ASB9: variants seen among roughly 807,000 people sequenced by gnomAD.
ASB9 encodes the protein ankyrin repeat and SOCS box protein 9.
Under a neutral mutation model 16.6 loss-of-function variants are expected in ASB9, and 5 were observed. The observed-to-expected ratio is 0.30, with a 90% CI of 0.16 to 0.63. The LOEUF (loss-of-function observed/expected upper bound fraction) is 0.63. Ranked by LOEUF, ASB9 falls within the 30% of genes least tolerant of loss-of-function variation. ASB9 has a pLI of 0.82. For missense variants in ASB9, 216 were observed against 229.4 expected (o/e 0.94, Z 0.38); for synonymous variants, 100 against 86.4 (o/e 1.16, Z -0.87).
At chrX:15,255,960 C>CA (rs1390199322) in intron 2 of ASB9, among the ~76,000 whole-genome samples, 1 of 110,560 alleles carries the variant, frequency 9.0e-6, no homozygotes, top group Non-Finnish European at 1.9e-5. Flanking sequence ...TTTTTTTTCT[C>CA]AAAAAAACCC....
chrX:15,256,710 G>A (rs1388583853), intron 2 of ASB9, among the ~76,000 whole-genome samples: 6 of 96,432 alleles, frequency 6.2e-5, no homozygotes, highest in South Asian at 1.1e-3. Flanking sequence ...CCCAGGGGGC[G>A]GAGCCTGCAG....
intron 6 of ASB9, among the ~76,000 whole-genome samples, chrX:15,247,076 A>T (rs1924730520): frequency 8.9e-6 from 1 of 111,775 alleles, no homozygotes. Flanking sequence ...TCCCTTCCCC[A>T]GGAAACGGAG....
chrX:15,245,399 A>G (rs1005186258), intron 6 of ASB9, among the ~76,000 whole-genome samples: 19 of 102,201 alleles, frequency 1.9e-4, no homozygotes, highest in Admixed American at 5.5e-4. Context: ...ACAGCCCCCA[A>G]CTGATTCAAA....
intron 2 of ASB9, among the ~76,000 whole-genome samples, chrX:15,257,495 A>C (rs901077077): frequency 3.6e-5 from 4 of 111,672 alleles, no homozygotes; most frequent in African/African-American, 1.3e-4. Context: ...AAATACAACA[A>C]CACAGCTATT....
intron 1 of ASB9, among the ~76,000 whole-genome samples, chrX:15,259,668 C>A (rs917736566): frequency 1.2e-4 from 14 of 112,133 alleles, no homozygotes; most frequent in East Asian, 8.4e-4. Context: ...ATATAACATA[C>A]AGGTTGAGCA....
rs139369231 is a variant in ASB9, at chrX:15,247,485, G to A, written c.760+1259C>T. On this transcript the variant is annotated intron_variant, in intron 6 of 6. Transcript: ENST00000380488. ...CATCCTACATTAACGTATGCCCTACGTTATGACTGAGGGGGACCTGAGGCA... is the reference window on the plus strand; with the variant it reads ...CATCCTACATTAACGTATGCCCTACATTATGACTGAGGGGGACCTGAGGCA... Among the ~76,000 whole-genome samples the A allele has an allele frequency of 9.8e-5, 11 of 111,829 alleles. No individual in the cohort carries two copies. In the East Asian group the frequency reaches 2.8e-3, roughly 29 times the overall value.
chrX:15,244,952 A>C lies in ASB9; in HGVS notation c.761-322T>G, dbSNP rs140276779. ...TACAAAAATTCCAATAATACAAATA[A>C]AATTTATGTTTAATGGTGTTCTTTT... On this transcript the variant is annotated intron_variant, in intron 6 of 6. Coordinates refer to ENST00000380488, the MANE Select transcript of ASB9 (RefSeq NM_001031739.3). Among the ~76,000 whole-genome samples the C allele has an allele frequency of 3.6e-3, 408 of 112,110 alleles. 2 individuals carry two copies. The highest frequency in any genetic ancestry group is 6.9e-3 in the Non-Finnish European group (368 of 53,207).
chrX:15,267,439 T>C (rs1170278176), intron 1 of ASB9, among the ~76,000 whole-genome samples: 2 of 57,999 alleles, frequency 3.4e-5, no homozygotes, highest in Non-Finnish European at 6.7e-5. Context: ...TATATAATTA[T>C]ATATATAATT....
intron 2 of ASB9, among the ~76,000 whole-genome samples, chrX:15,258,284 A>C (rs968306099): frequency 1.8e-5 from 2 of 112,155 alleles, no homozygotes; most frequent in East Asian, 2.8e-4. Context: ...GTATCTGTCC[A>C]ATTTAAGAAG....
chrX:15,247,537 A>T (rs763483189), intron 6 of ASB9, among the ~76,000 whole-genome samples: 1 of 112,385 alleles, frequency 8.9e-6, no homozygotes, highest in East Asian at 2.8e-4. Flanking sequence ...TCCCTTTCTC[A>T]GTGAAAACAA....
At chrX:15,254,597 G>A (rs1350164275) in intron 3 of ASB9, 140 bp downstream of exon 3, 1 of 513,684 alleles carries the variant, frequency 1.9e-6, no homozygotes, top group Non-Finnish European at 3.4e-6. Context: ...AAACAAGCCT[G>A]ATGAACATAA....
chrX:15,247,912 A>G (rs1246817222), intron 6 of ASB9, among the ~76,000 whole-genome samples: 1 of 112,427 alleles, frequency 8.9e-6, no homozygotes, highest in African/African-American at 3.2e-5. Flanking sequence ...CCCACTTTAC[A>G]GTTCTGCCCA....
At chrX:15,268,573 G>A (rs1344313363) in intron 1 of ASB9, among the ~76,000 whole-genome samples, 1 of 103,897 alleles carries the variant, frequency 9.6e-6, no homozygotes, top group Admixed American at 1.0e-4. Context: ...TTACAGGCAC[G>A]TGCCATCACA....
rs1924496198 is a variant in ASB9 at position 15,244,529 on chromosome X, T to C, written c.862A>G (p.Lys288Glu). Residue 288 changes from lysine (K) to glutamate (E), a missense_variant, in exon 7 of 7, where the codon AAA (lysine) becomes GAA (glutamate). Transcript: ENST00000380488. ...ITKLVLPEDL[K>E]QFLLHL is the part of the protein sequence containing the mutation. ...ATTTAAAGATGTAGGAGAAACTGTT[T>C]CAGATCCTCTGGGAGGACGAGTTTG... The C allele has an allele frequency of 8.4e-7, 1 of 1,197,356 alleles. No homozygotes were observed.
chrX:15,270,136 C>T (rs1375404143), upstream of ASB9: 2 of 255,690 alleles, frequency 7.8e-6, no homozygotes, highest in African/African-American at 5.8e-5. Flanking sequence ...GCTGGAGGCC[C>T]GCCAGAGGCC....
At chrX:15,249,957 G>A (rs1924967080) in intron 5 of ASB9, among the ~76,000 whole-genome samples, 1 of 111,890 alleles carries the variant, frequency 8.9e-6, no homozygotes, top group South Asian at 3.7e-4. Context: ...ACAGCAGGGA[G>A]GTGAAAAGAA....
chrX:15,247,288 C>A (rs747592956), intron 6 of ASB9, among the ~76,000 whole-genome samples: 1 of 111,953 alleles, frequency 8.9e-6, no homozygotes, highest in East Asian at 2.8e-4. Flanking sequence ...GCAAATGACA[C>A]CTCATAAACT....
intron 1 of ASB9, among the ~76,000 whole-genome samples, chrX:15,267,415 A>T (rs866897083): frequency 1.3e-3 from 62 of 48,269 alleles, no homozygotes; most frequent in Non-Finnish European, 2.1e-3. Flanking sequence ...ATCTAAAAAA[A>T]AAATATATAT....
At chrX:15,261,522 G>A (rs949868710) in intron 1 of ASB9, among the ~76,000 whole-genome samples, 7 of 111,896 alleles carry the variant, frequency 6.3e-5, no homozygotes, top group East Asian at 2.8e-4. Flanking sequence ...TAAAAATGAC[G>A]CATTTATCAA....
Sources: allele counts gnomAD v4.1 joint callset (sites outside exome capture counted in the v4.1 genomes callset), GRCh38; gene constraint gnomAD v4.1.1; transcripts MANE v1.5; gene names NCBI Gene and HGNC (gene_info 2026-07-23, HGNC 2026-07-21).